The following EXTL3 variants were observed in gnomAD, a reference collection of about 807,000 sequenced individuals.
EXTL3 encodes the protein exostosin like glycosyltransferase 3, also known as exostosin-like 3.
EXTL3 carries 27 observed loss-of-function variants against 69.3 expected under a neutral mutation model. The observed-to-expected ratio is 0.39, with a 90% confidence interval of 0.29 to 0.54. The LOEUF (loss-of-function observed/expected upper bound fraction) is 0.54, where lower values mean the gene tolerates loss of function less well. EXTL3 is among the 20% of genes least tolerant of loss of function. The pLI, the probability that EXTL3 is intolerant of heterozygous loss-of-function variation, is 0.69. For missense variants in EXTL3, 1,003 were observed against 1,231.8 expected (o/e 0.81, Z 2.78); for synonymous variants, 511 against 499.4 (o/e 1.02, Z -0.31).
At chr8:28,614,915 C>T (rs917852228) in intron 2 of EXTL3, among the ~76,000 whole-genome samples, 1 of 152,104 alleles carries the variant, frequency 6.6e-6, no homozygotes, top group African/African-American at 2.4e-5. Flanking sequence ...TCCCAGCATC[C>T]ATTAGCTGTT....
chr8:28,681,368 A>G (rs1391225386), intron 1 of EXTL3, among the ~76,000 whole-genome samples: 1 of 151,420 alleles, frequency 6.6e-6, no homozygotes, highest in Non-Finnish European at 1.5e-5. Context: ...TAGCAAAAAA[A>G]TTAGCTGGGC....
chr8:28,639,967 G>A (rs550497565), intron 1 of EXTL3, among the ~76,000 whole-genome samples: 1 of 152,306 alleles, frequency 6.6e-6, no homozygotes, highest in East Asian at 1.9e-4. Flanking sequence ...AAGTGTGGTG[G>A]TGCATGCTTG....
upstream of EXTL3, chr8:28,698,381 G>C (rs1482088868): frequency 6.6e-6 from 1 of 152,174 alleles, no homozygotes; most frequent in East Asian, 1.9e-4. Context: ...AGGAAGATTT[G>C]CAGTCCCGTG....
chr8:28,702,149 C>T (rs545343825), intron 1 of EXTL3, among the ~76,000 whole-genome samples: 1 of 152,158 alleles, frequency 6.6e-6, no homozygotes, highest in African/African-American at 2.4e-5. Flanking sequence ...CCGAGCACAC[C>T]TTCCCACATC....
upstream of EXTL3, chr8:28,696,579 A>C (rs1438273070): frequency 6.6e-6 from 1 of 150,486 alleles, no homozygotes; most frequent in Non-Finnish European, 1.5e-5. Flanking sequence ...TTTTTTTTCG[A>C]GATGGAATCT....
chr8:28,722,795 AAGAG>A (rs902962562), intron 3 of EXTL3, among the ~76,000 whole-genome samples: 4 of 150,916 alleles, frequency 2.7e-5, no homozygotes, highest in Admixed American at 6.6e-5. Flanking sequence ...AAAAAAAAAA[AAGAG>A]AGATACAAGA....
intron 1 of EXTL3, among the ~76,000 whole-genome samples, chr8:28,669,405 C>G (rs1204225605): frequency 2.6e-5 from 4 of 152,224 alleles, no homozygotes; most frequent in Admixed American, 1.3e-4. Context: ...GCTGCTCTTT[C>G]ATGCCTATCA....
In EXTL3 at chr8:28,743,194, A is replaced by T; in HGVS notation, c.2530A>T (p.Thr844Ser). The T allele has an allele frequency of 1.2e-6, 2 of 1,614,074 alleles. No individual in the cohort carries two copies. Among genetic ancestry groups the T allele is most frequent in the South Asian group, 2.2e-5 (2 of 91,076 alleles). ...IAMNFLVSHI[T>S]RKPPIKVTSR... ...CATGAACTTCCTTGTCTCCCACATCACTCGGAAGCCCCCCATCAAGGTGAG... is the reference window on the plus strand; with the variant it reads ...CATGAACTTCCTTGTCTCCCACATCTCTCGGAAGCCCCCCATCAAGGTGAG... The change falls in exon 6 of 7, where the codon ACT becomes TCT. Residue 844 changes from threonine (T) to serine (S), a missense_variant. Coordinates refer to ENST00000220562, the MANE Select transcript of EXTL3 (RefSeq NM_001440.4).
intron 1 of EXTL3, among the ~76,000 whole-genome samples, chr8:28,660,913 CTTTT>C (rs35991958): frequency 1.0e-5 from 1 of 97,520 alleles, no homozygotes. Flanking sequence ...TTGTTCGTTT[CTTTT>C]TTTTTTTTTT....
At chr8:28,720,822 A>G (rs1801278777) in intron 3 of EXTL3, among the ~76,000 whole-genome samples, 1 of 152,216 alleles carries the variant, frequency 6.6e-6, no homozygotes, top group South Asian at 2.1e-4. Context: ...AAACACATGG[A>G]TCAGGTCCCT....
rs529815149 is a variant in EXTL3, at chr8:28,751,161, C to T, written c.*295C>T. ...ACTCACACCGTTCGTACGCCCAGGA[C>T]AGCTGGTTCGTGGTTTTTACATTCA... On this transcript the variant is annotated 3_prime_UTR_variant, in exon 7 of 7. Coordinates refer to ENST00000220562, the MANE Select transcript of EXTL3 (RefSeq NM_001440.4). 3 of 442,720 alleles carry T rather than the reference C, an allele frequency of 6.8e-6. No homozygotes were observed. Among genetic ancestry groups the T allele is most frequent in the African/African-American group, 5.8e-5 (3 of 51,558 alleles). 27.4% of individuals were successfully genotyped at this position (442,720 alleles called of 1,614,324 possible).
intron 1 of EXTL3, among the ~76,000 whole-genome samples, chr8:28,653,524 G>T (rs1411429940): frequency 6.6e-6 from 1 of 152,094 alleles, no homozygotes; most frequent in African/African-American, 2.4e-5. Flanking sequence ...TTAGGCTTTT[G>T]ATTCACTGTT....
intron 2 of EXTL3, among the ~76,000 whole-genome samples, chr8:28,715,157 A>C (rs1387492489): frequency 1.3e-5 from 2 of 152,232 alleles, no homozygotes; most frequent in Non-Finnish European, 2.9e-5. Context: ...GTATTTCCAA[A>C]GAAGACTTAT....
chr8:28,666,427 A>G (rs1374633487), intron 1 of EXTL3, among the ~76,000 whole-genome samples: 1 of 151,660 alleles, frequency 6.6e-6, no homozygotes, highest in Admixed American at 6.6e-5. Context: ...ATGGGCGTGT[A>G]CCACCAAGCC....
intron 1 of EXTL3, among the ~76,000 whole-genome samples, chr8:28,679,829 C>T (rs1046506801): frequency 5.3e-5 from 8 of 152,020 alleles, no homozygotes; most frequent in Non-Finnish European, 1.2e-4. Flanking sequence ...ATAATACTGC[C>T]CTGAATTAGG....
chr8:28,666,354 T>G (rs554572430), intron 1 of EXTL3, among the ~76,000 whole-genome samples: 1 of 152,246 alleles, frequency 6.6e-6, no homozygotes, highest in South Asian at 2.1e-4. Flanking sequence ...CATGGCTTCC[T>G]ACATTCTCAA....
At chr8:28,650,561 T>G (rs908225498) in intron 1 of EXTL3, among the ~76,000 whole-genome samples, 3 of 152,070 alleles carry the variant, frequency 2.0e-5, no homozygotes, top group African/African-American at 7.2e-5. Flanking sequence ...TTTCACCATG[T>G]TGGGCCAGGC....
chr8:28,699,805 C>T (rs543258325), upstream of EXTL3: 1 of 152,264 alleles, frequency 6.6e-6, no homozygotes, highest in African/African-American at 2.4e-5. Context: ...CGGCGCCTGG[C>T]CAGCTTCATC....
At chr8:28,747,339 G>GA (rs907311542) in intron 6 of EXTL3, among the ~76,000 whole-genome samples, 7 of 152,176 alleles carry the variant, frequency 4.6e-5, no homozygotes, top group African/African-American at 1.4e-4. Flanking sequence ...TGGGACCCTG[G>GA]AGGGGGACCT....
Sources: gnomAD v4.1 joint callset for allele counts (sites outside exome capture counted in the v4.1 genomes callset) on GRCh38, gnomAD v4.1.1 for gene constraint, MANE v1.5 for transcripts, NCBI Gene and HGNC (gene_info 2026-07-23, HGNC 2026-07-21) for gene names.